The following MTDH variants were observed in gnomAD, a reference collection of about 807,000 sequenced individuals.
MTDH encodes metadherin.
A neutral mutation model predicts 72.7 loss-of-function variants in MTDH; 34 were observed. The ratio of observed to expected loss-of-function variants is 0.47; its 90% CI spans 0.36 to 0.62. MTDH has a LOEUF of 0.62. Ranked by LOEUF, MTDH falls within the 20% of genes least tolerant of loss-of-function variation. The pLI is 0.00. For missense variants in MTDH, 677 were observed against 699.4 expected (o/e 0.97, Z 0.36); for synonymous variants, 266 against 268.9 (o/e 0.99, Z 0.10).
chr8:97,676,933 A>G (rs1373132386), intron 2 of MTDH, among the ~76,000 whole-genome samples: 3 of 134,022 alleles, frequency 2.2e-5, no homozygotes, highest in Non-Finnish European at 4.6e-5. Flanking sequence ...TGAACCCAGG[A>G]GGTGGATGTT....
intron 9 of MTDH, among the ~76,000 whole-genome samples, chr8:97,716,786 C>A (rs952102928): frequency 1.3e-5 from 2 of 152,134 alleles, no homozygotes; most frequent in Admixed American, 6.6e-5. Context: ...CTCACTGCAG[C>A]CTCAACCTCC....
rs144537850 is a variant in MTDH, at chr8:97,662,013, T to A, written c.483+840T>A. On this transcript the variant is annotated intron_variant, in intron 2 of 11. Transcript: ENST00000336273. ...ACAATCTATCATACCACATAAATGG[T>A]ACATTCCTGAGATTTTATTAATTTT... 3.9e-5 allele frequency among the ~76,000 whole-genome samples: 6 copies of A among 152,128 alleles called. No individual in the cohort carries two copies. In the East Asian group the frequency reaches 1.2e-3, roughly 29 times the overall value.
chr8:97,679,033 A>G (rs781015925), intron 2 of MTDH, among the ~76,000 whole-genome samples: 1 of 152,172 alleles, frequency 6.6e-6, no homozygotes, highest in Non-Finnish European at 1.5e-5. Context: ...GCAATTTTCT[A>G]ACAGAAAAAT....
chr8:97,688,734 C>T (rs1224511736), intron 4 of MTDH, among the ~76,000 whole-genome samples: 6 of 152,142 alleles, frequency 3.9e-5, no homozygotes, highest in Non-Finnish European at 7.3e-5. Context: ...CCCAATACTG[C>T]AGTTCATACT....
At chr8:97,704,428 T>C (rs1270331574) in intron 7 of MTDH, among the ~76,000 whole-genome samples, 2 of 152,154 alleles carry the variant, frequency 1.3e-5, no homozygotes, top group Non-Finnish European at 2.9e-5. Flanking sequence ...GGCAATATAG[T>C]GAATCCCCTT....
At position 97,704,714 on chromosome 8, in the gene MTDH, A is replaced by AT. The variant is rs574017305; in HGVS notation, c.1148-1904dup. Among the ~76,000 whole-genome samples, 4 of 151,818 alleles carry AT rather than the reference A, an allele frequency of 2.6e-5. No individual in the cohort carries two copies. In the South Asian group the frequency reaches 6.2e-4, roughly 24 times the overall value. On this transcript the variant is annotated intron_variant, in intron 7 of 11. Coordinates refer to ENST00000336273, the MANE Select transcript of MTDH (RefSeq NM_178812.4). Reference sequence around the variant, plus strand: ...TACTGTGTAGACAATTTTGTCTATGATTTTTTTTCTGTGAGCGTTTTCCCA... The same window carrying AT: ...TACTGTGTAGACAATTTTGTCTATGATTTTTTTTTCTGTGAGCGTTTTCCCA...
chr8:97,652,554 C>T (rs1390833407), intron 1 of MTDH, among the ~76,000 whole-genome samples: 1 of 152,146 alleles, frequency 6.6e-6, no homozygotes, highest in Non-Finnish European at 1.5e-5. Flanking sequence ...GGGTTCTCTC[C>T]CTCCCCAGAT....
At position 97,722,032 on chromosome 8, in the gene MTDH, C is replaced by A. The variant is rs190540224; in HGVS notation, c.1522-847C>A. 4.9e-3 allele frequency among the ~76,000 whole-genome samples: 741 copies of A among 152,216 alleles called. 1 individual carries two copies. The highest frequency in any genetic ancestry group is 0.017 in the Middle Eastern group (5 of 294). ...GGTAGTTCAGAAGTTAGCTATTTTC[C>A]TTCTGTTTTTCACAAAAATTTTTGA... On this transcript the variant is annotated intron_variant, in intron 10 of 11. Coordinates refer to ENST00000336273, the MANE Select transcript of MTDH (RefSeq NM_178812.4).
intron 6 of MTDH, among the ~76,000 whole-genome samples, chr8:97,695,510 T>C (rs571395062): frequency 1.2e-3 from 184 of 152,298 alleles, no homozygotes; most frequent in African/African-American, 4.3e-3. Context: ...AACAGCAAAT[T>C]AGAGTTCCTG....
chr8:97,650,378 G>A (rs1041579673), intron 1 of MTDH, among the ~76,000 whole-genome samples: 67 of 146,758 alleles, frequency 4.6e-4, no homozygotes, highest in African/African-American at 1.6e-3. Context: ...AGGCTCAAGC[G>A]ACTCTCCCAC....
chr8:97,694,628 A>G (rs1405499199), intron 6 of MTDH, among the ~76,000 whole-genome samples: 2 of 152,192 alleles, frequency 1.3e-5, no homozygotes, highest in African/African-American at 4.8e-5. Flanking sequence ...TGTTTGAAAG[A>G]GACATTCCCT....
At chr8:97,708,919 G>C (rs1341038302) in intron 8 of MTDH, among the ~76,000 whole-genome samples, 1 of 151,944 alleles carries the variant, frequency 6.6e-6, no homozygotes, top group Non-Finnish European at 1.5e-5. Flanking sequence ...CTTTAAAACA[G>C]GATATAGGCC....
chr8:97,690,493 A>G (rs1165744616), intron 5 of MTDH, among the ~76,000 whole-genome samples: 2 of 152,240 alleles, frequency 1.3e-5, no homozygotes, highest in Non-Finnish European at 2.9e-5. Context: ...CTCTACATAT[A>G]TAATGATACC....
chr8:97,701,215 C>T (rs1010540877), intron 7 of MTDH, among the ~76,000 whole-genome samples: 3 of 152,230 alleles, frequency 2.0e-5, no homozygotes, highest in Admixed American at 6.5e-5. Flanking sequence ...AGTCATCTCT[C>T]AGTATCCATG....
At position 97,722,998 on chromosome 8, in the gene MTDH, G is replaced by A. The variant is rs1815191680; in HGVS notation, c.1641G>A (p.Lys547=). Residue 547 remains lysine, a synonymous_variant, in exon 11 of 12, where the codon AAG becomes AAA. Coordinates refer to ENST00000336273, the MANE Select transcript of MTDH (RefSeq NM_178812.4). ...PPILQETDKS[K]SNTKQNSVPP... Reference sequence around the variant, plus strand: ...TACTACAAGAGACAGATAAATCCAAGTCAAATACCAAGCAAAATAGTGTGC... The same window carrying A: ...TACTACAAGAGACAGATAAATCCAAATCAAATACCAAGCAAAATAGTGTGC... The A allele has an allele frequency of 6.2e-7, 1 of 1,613,936 alleles. No homozygotes were observed. The highest frequency in any genetic ancestry group is 1.7e-5 in the Admixed American group (1 of 59,984).
At chr8:97,664,542 C>T (rs1812301734) in intron 2 of MTDH, among the ~76,000 whole-genome samples, 1 of 152,186 alleles carries the variant, frequency 6.6e-6, no homozygotes, top group African/African-American at 2.4e-5. Flanking sequence ...CATGCTACAA[C>T]TCATGGCTGG....
chr8:97,724,672 A>T lies in MTDH; in HGVS notation c.*2A>T, dbSNP rs147469611. On this transcript the variant is annotated 3_prime_UTR_variant, in exon 12 of 12. Coordinates refer to ENST00000336273, the MANE Select transcript of MTDH (RefSeq NM_178812.4). The stretch of plus-strand genomic sequence containing the variant: ...AAAAAAGCCAGACGAGAAACGTGAA[A>T]TTTTTTTTCCTGAATTGGACATGTG... 36 of 1,589,838 alleles carry T rather than the reference A, an allele frequency of 2.3e-5. No homozygotes were observed. Among genetic ancestry groups the T allele is most frequent in the South Asian group, 4.7e-5 (4 of 85,676 alleles).
intron 1 of MTDH, among the ~76,000 whole-genome samples, chr8:97,651,198 A>T (rs567674571): frequency 1.3e-5 from 2 of 152,214 alleles, no homozygotes; most frequent in Non-Finnish European, 2.9e-5. Context: ...CCAATACCAT[A>T]TACAATACAT....
At chr8:97,698,922 G>A (rs1813986696) in intron 6 of MTDH, among the ~76,000 whole-genome samples, 1 of 152,028 alleles carries the variant, frequency 6.6e-6, no homozygotes, top group Non-Finnish European at 1.5e-5. Context: ...GAGGATCCCT[G>A]TAGACCAGGA....
Sources: allele counts gnomAD v4.1 joint callset (sites outside exome capture counted in the v4.1 genomes callset), GRCh38; gene constraint gnomAD v4.1.1; transcripts MANE v1.5; gene names NCBI Gene and HGNC (gene_info 2026-07-23, HGNC 2026-07-21).